DMD: variants seen among roughly 807,000 people sequenced by gnomAD.
DMD encodes the protein dystrophin.
A neutral mutation model predicts 330.1 loss-of-function variants in DMD; 63 were observed. The ratio of observed to expected loss-of-function variants is 0.19; its 90% CI spans 0.16 to 0.24. The LOEUF is 0.24. Among genes scored for constraint, DMD ranks in the 10% least tolerant of loss-of-function variants. The pLI is 1.00. For synonymous variants in DMD, 1,223 were observed against 959.8 expected (o/e 1.27, Z -5.07); for missense variants, 3,344 against 2,684.1 (o/e 1.25, Z -5.43).
At chrX:33,259,033 A>G (rs988669741) in intron 1 of DMD, among the ~76,000 whole-genome samples, 1 of 111,350 alleles carries the variant, frequency 9.0e-6, no homozygotes, top group African/African-American at 3.3e-5. Context: ...TATGGACAAA[A>G]CTTATCTTAA....
chrX:32,993,421 C>A (rs999925064), intron 2 of DMD, among the ~76,000 whole-genome samples: 1 of 109,508 alleles, frequency 9.1e-6, no homozygotes, highest in Admixed American at 9.7e-5. Flanking sequence ...CTGGGCAACA[C>A]GGTGAAACCC....
chrX:31,518,424 G>A (rs751454551), intron 55 of DMD, among the ~76,000 whole-genome samples: 11 of 111,743 alleles, frequency 9.8e-5, no homozygotes, highest in Non-Finnish European at 1.9e-4. Context: ...ACATCTTTCA[G>A]ATCAGTGCCA....
At chrX:32,335,797 T>C (rs1306926044) in intron 41 of DMD, among the ~76,000 whole-genome samples, 1 of 103,936 alleles carries the variant, frequency 9.6e-6, no homozygotes, top group Non-Finnish European at 2.0e-5. Flanking sequence ...ACATGTTATA[T>C]ATAACACGTG....
At chrX:31,280,090 C>G (rs2052499460) in intron 62 of DMD, among the ~76,000 whole-genome samples, 1 of 111,898 alleles carries the variant, frequency 8.9e-6, no homozygotes, top group Non-Finnish European at 1.9e-5. Flanking sequence ...GCCTTTCTCA[C>G]AAATTCAGTT....
intron 51 of DMD, among the ~76,000 whole-genome samples, chrX:31,739,674 C>T (rs951984301): frequency 9.1e-6 from 1 of 109,438 alleles, no homozygotes; most frequent in Non-Finnish European, 1.9e-5. Flanking sequence ...GGCTTAAAAC[C>T]TGGATGTTGG....
intron 9 of DMD, among the ~76,000 whole-genome samples, chrX:32,652,119 G>A (rs769366136): frequency 9.0e-6 from 1 of 111,143 alleles, no homozygotes; most frequent in East Asian, 2.8e-4. Context: ...TAAACAAAAG[G>A]TTCTAGAGCC....
Position 32,050,974 on chromosome X carries a change from C to CT in DMD, c.6439-82461dup, listed in dbSNP as rs761835866. On this transcript the variant is annotated intron_variant, in intron 44 of 78. Coordinates refer to ENST00000357033, the MANE Select transcript of DMD (RefSeq NM_004006.3). Reference sequence around the variant, plus strand: ...TTACATTGCCTCAGGCTAACTTCCTCTTTTTTTTTTTTTCCCCCTAATAGA... The same window carrying CT: ...TTACATTGCCTCAGGCTAACTTCCTCTTTTTTTTTTTTTTCCCCCTAATAGA... Among the ~76,000 whole-genome samples, 76 of 78,060 alleles carry CT rather than the reference C, an allele frequency of 9.7e-4. 3 individuals carry two copies. Among genetic ancestry groups the CT allele is most frequent in the East Asian group, 3.9e-3 (9 of 2,314 alleles). 67.8% of individuals were successfully genotyped at this position (78,060 alleles called of 115,157 possible).
chrX:32,883,846 A>AAAAAAAGAAAAG (rs2084251414), intron 2 of DMD, among the ~76,000 whole-genome samples: 7 of 101,963 alleles, frequency 6.9e-5, no homozygotes, highest in African/African-American at 2.2e-4. Flanking sequence ...AAAAAAAAAA[A>AAAAAAAGAAAAG]AAAAAGAAAA....
chrX:31,655,766 C>A (rs929351128), intron 54 of DMD, among the ~76,000 whole-genome samples: 1 of 111,106 alleles, frequency 9.0e-6, no homozygotes, highest in African/African-American at 3.3e-5. Context: ...AGGCCCTTAC[C>A]AGATTCCAGC....
At chrX:32,200,170 C>T (rs1252902541) in intron 44 of DMD, among the ~76,000 whole-genome samples, 2 of 110,618 alleles carry the variant, frequency 1.8e-5, no homozygotes, top group Non-Finnish European at 3.8e-5. Context: ...GGGAGAGGAG[C>T]GGAGCTGGGA....
chrX:31,766,447 G>A (rs184632381), intron 51 of DMD, among the ~76,000 whole-genome samples: 6 of 111,481 alleles, frequency 5.4e-5, no homozygotes, highest in African/African-American at 1.6e-4. Flanking sequence ...TAGTAGAGAC[G>A]GGGTTTCTCC....
intron 2 of DMD, among the ~76,000 whole-genome samples, chrX:32,930,774 C>A (rs894956434): frequency 9.1e-6 from 1 of 109,982 alleles, no homozygotes; most frequent in Non-Finnish European, 1.9e-5. Context: ...AAATATTACC[C>A]CATTCCTCCT....
intron 48 of DMD, among the ~76,000 whole-genome samples, chrX:31,851,019 C>A (rs1165622639): frequency 8.9e-6 from 1 of 112,413 alleles, no homozygotes; most frequent in African/African-American, 3.2e-5. Context: ...CTGATTTCTG[C>A]AGTCCAGATT....
At chrX:31,483,166 C>T (rs1428535965) in intron 57 of DMD, among the ~76,000 whole-genome samples, 7 of 106,529 alleles carry the variant, frequency 6.6e-5, no homozygotes, top group Admixed American at 2.0e-4. Flanking sequence ...CCTGCCTCAG[C>T]CTCCCGAGTA....
intron 44 of DMD, among the ~76,000 whole-genome samples, chrX:32,115,648 T>C (rs2146685827): frequency 8.9e-6 from 1 of 112,022 alleles, no homozygotes; most frequent in South Asian, 3.7e-4. Context: ...GAGACTCTGA[T>C]AATAAGAGAG....
At chrX:33,135,780 C>G (rs1467985856) in intron 1 of DMD, among the ~76,000 whole-genome samples, 2 of 111,568 alleles carry the variant, frequency 1.8e-5, no homozygotes, top group Non-Finnish European at 3.8e-5. Flanking sequence ...AATAACAGTA[C>G]TTATATTATA....
intron 62 of DMD, among the ~76,000 whole-genome samples, chrX:31,293,220 T>TGTGTGTGTAGTCTGGTTTA (rs2053898773): frequency 9.9e-6 from 1 of 100,851 alleles, no homozygotes; most frequent in African/African-American, 3.7e-5. Flanking sequence ...TGTGTGTGTG[T>TGTGTGTGTAGTCTGGTTTA]GTGTGTGTGT....
At chrX:32,691,640 G>A (rs1257800464) in intron 9 of DMD, among the ~76,000 whole-genome samples, 1 of 111,144 alleles carries the variant, frequency 9.0e-6, no homozygotes, top group Non-Finnish European at 1.9e-5. Context: ...ACTTGATCTA[G>A]CAATCTCACT....
chrX:32,950,150 G>C (rs1222483782), intron 2 of DMD, among the ~76,000 whole-genome samples: 1 of 110,523 alleles, frequency 9.0e-6, no homozygotes, highest in Non-Finnish European at 1.9e-5. Context: ...ATGGGATTAA[G>C]TAGGGTCCAA....
Sources: allele counts gnomAD v4.1 joint callset (sites outside exome capture counted in the v4.1 genomes callset), GRCh38; gene constraint gnomAD v4.1.1; transcripts MANE v1.5; gene names NCBI Gene and HGNC (gene_info 2026-07-23, HGNC 2026-07-21).